Variants in PREPL observed in about 807,000 individuals in gnomAD.
The protein encoded by PREPL is prolyl endopeptidase-like.
A neutral mutation model predicts 70.6 loss-of-function variants in PREPL; 77 were observed. The observed-to-expected ratio is 1.09, with a 90% CI of 0.91 to 1.32. The LOEUF is 1.32. Ranked by LOEUF, PREPL falls within the 40% of genes most tolerant of loss-of-function variation. PREPL has a pLI of 0.00. For missense variants in PREPL, 1,002 were observed against 778.2 expected (o/e 1.29, Z -3.42); for synonymous variants, 315 against 264.8 (o/e 1.19, Z -1.84).
chr2:44,335,823 G>C (rs1208717716), intron 7 of PREPL, among the ~76,000 whole-genome samples: 1 of 150,498 alleles, frequency 6.6e-6, no homozygotes. Context: ...GAATTTATAA[G>C]GAACTTATAT....
rs915913623 is a variant in PREPL at position 44,357,707 on chromosome 2, T to C, written c.-49+3673A>G. Among the ~76,000 whole-genome samples the C allele has an allele frequency of 2.0e-5, 3 of 152,234 alleles. No individual in the cohort carries two copies. In the East Asian group the frequency reaches 5.8e-4, roughly 29 times the overall value. On this transcript the variant is annotated intron_variant, in intron 1 of 13. Transcript: ENST00000409411. ...CAGCTGTTACTCTGATGGTAATTCC[T>C]GTCTACTATTTATAAACTAAGTGTT...
At chr2:44,326,173 A>G (rs1401159665) in intron 10 of PREPL, among the ~76,000 whole-genome samples, 1 of 152,158 alleles carries the variant, frequency 6.6e-6, no homozygotes, top group Non-Finnish European at 1.5e-5. Context: ...CCTTACAAAT[A>G]CAAATGAGCA....
In PREPL at chr2:44,361,480, CCA is replaced by C; in HGVS notation, c.-151_-150del. The C allele has an allele frequency of 6.5e-6, 1 of 153,168 alleles. No individual in the cohort carries two copies. The highest frequency in any genetic ancestry group is 2.0e-4 in the South Asian group (1 of 4,992). The allele number at this position is 153,168 out of a possible 1,614,324, so 9.5% of individuals were successfully genotyped here. On this transcript the variant is annotated 5_prime_UTR_variant, in exon 1 of 14. Transcript: ENST00000409411. Reference sequence around the variant, plus strand: ...GGAGCAGGTGTCACCGCAGGCAAGTCCAGCCGAAGTCTGCGTTCCGCAGCCCA... The same window carrying C: ...GGAGCAGGTGTCACCGCAGGCAAGTCGCCGAAGTCTGCGTTCCGCAGCCCA...
intron 3 of PREPL, 26 bp downstream of exon 3, chr2:44,344,494 A>G: frequency 6.8e-7 from 1 of 1,481,414 alleles, no homozygotes; most frequent in South Asian, 1.3e-5. Flanking sequence ...AAATTAGAGC[A>G]CGTAAAAAGA....
chr2:44,357,351 C>T (rs938784999), intron 1 of PREPL, among the ~76,000 whole-genome samples: 9 of 152,200 alleles, frequency 5.9e-5, no homozygotes, highest in Admixed American at 5.2e-4. Flanking sequence ...TGGATGCTTG[C>T]TGAAAGAAGG....
chr2:44,322,773 G>A lies in PREPL; in HGVS notation c.1711C>T (p.Leu571Phe). 3 of 1,613,846 alleles carry A rather than the reference G, an allele frequency of 1.9e-6. No individual in the cohort carries two copies. Among genetic ancestry groups the A allele is most frequent in the Non-Finnish European group, 2.5e-6 (3 of 1,179,812 alleles). ...LKGIVSYTEK[L>F]KEAIAEHAKD... ...GCATGCTCCGCGATGGCTTCCTTGA[G>A]TTTCTCAGTATAACTTACAATTCCT... The change falls in exon 12 of 14, where the codon CTC becomes TTC. Residue 571 changes from leucine (L) to phenylalanine (F), a missense_variant. By Grantham distance (22) the Leu-to-Phe change is conservative. Transcript: ENST00000409411.
In PREPL at chr2:44,332,339, T is replaced by C. The variant is rs113905510; in HGVS notation, c.1086+120A>G. 2,187 of 829,480 alleles carry C rather than the reference T, an allele frequency of 2.6e-3. 42 individuals carry two copies. The African/African-American group carries it at 0.035, about 13-fold the overall frequency. The allele number at this position is 829,480 out of a possible 1,614,324, so 51.4% of individuals were successfully genotyped here. A position where few individuals can be genotyped will look rare whatever the true frequency, so the allele number is the denominator to read the frequency against. On this transcript the variant is annotated intron_variant, in intron 8 of 13. Coordinates refer to ENST00000409411, the MANE Select transcript of PREPL (RefSeq NM_001171613.2). Reference sequence around the variant, plus strand: ...ATCCCTAAAGTCACTTGGGTATTACTGTGGTCTAAGAAATCTACATTAGGA... The same window carrying C: ...ATCCCTAAAGTCACTTGGGTATTACCGTGGTCTAAGAAATCTACATTAGGA...
chr2:44,347,137 C>G (rs1381208659), intron 1 of PREPL: 1 of 151,920 alleles, frequency 6.6e-6, no homozygotes, highest in Non-Finnish European at 1.5e-5. Context: ...TCAAGACCAG[C>G]CTGGGCAACA....
intron 9 of PREPL, 91 bp from the exon 10 acceptor site, chr2:44,327,019 TG>T: frequency 9.4e-7 from 1 of 1,060,836 alleles, no homozygotes; most frequent in Non-Finnish European, 1.4e-6. Context: ...GCCTGTTTTT[TG>T]TGTGGCCCTG....
Position 44,339,143 on chromosome 2 carries a change from T to C in PREPL, c.702+4A>G. ...AAATAGGAACAACGAGCATCCAGGA[T>C]TACCTTAAATTCTGTAGGTTCTCCA... On this transcript the variant is annotated splice_donor_region_variant and intron_variant, in intron 6 of 13. Transcript: ENST00000409411. 1.9e-6 allele frequency: 3 copies of C among 1,613,464 alleles called. No individual in the cohort carries two copies.
At chr2:44,338,302 T>A (rs141618060) in intron 7 of PREPL, 49 bp downstream of exon 7, 4 of 1,487,326 alleles carry the variant, frequency 2.7e-6, no homozygotes, top group African/African-American at 1.4e-5. Context: ...TAAGCTAAAC[T>A]GCATAAATAT....
chr2:44,323,165 C>T, intron 11 of PREPL, 97 bp downstream of exon 11: 1 of 1,228,334 alleles, frequency 8.1e-7, no homozygotes, highest in Non-Finnish European at 1.1e-6. Flanking sequence ...GTAGAAACAT[C>T]TCTAAAGCTC....
chr2:44,355,000 G>A (rs972193100), intron 1 of PREPL, among the ~76,000 whole-genome samples: 4 of 152,122 alleles, frequency 2.6e-5, no homozygotes, highest in African/African-American at 9.7e-5. Flanking sequence ...TGTTAACTGG[G>A]TACCTTATCT....
chr2:44,356,534 G>A (rs1228181857), intron 1 of PREPL, among the ~76,000 whole-genome samples: 7 of 130,238 alleles, frequency 5.4e-5, no homozygotes, highest in East Asian at 2.0e-4. Context: ...AACAAAGCAA[G>A]ACTCCGTCTC....
chr2:44,322,990 G>A (rs990839490), intron 11 of PREPL, 136 bp from the exon 12 acceptor site: 12 of 1,227,902 alleles, frequency 9.8e-6, no homozygotes, highest in Non-Finnish European at 1.2e-5. Context: ...TATCTTGAGA[G>A]CGCCTCAGTA....
At chr2:44,322,906 G>A (rs370458325) in intron 11 of PREPL, 52 bp from the exon 12 acceptor site, 2 of 1,586,602 alleles carry the variant, frequency 1.3e-6, no homozygotes, top group East Asian at 2.2e-5. Context: ...ATGGTCCCTT[G>A]CCACTATAGA....
Position 44,342,421 on chromosome 2 carries a change from G to T in PREPL, c.481C>A (p.Pro161Thr), listed in dbSNP as rs748001905. 2.5e-6 allele frequency: 4 copies of T among 1,609,286 alleles called. No individual in the cohort carries two copies. Residue 161 changes from proline to threonine, a missense_variant, in exon 5 of 14, where the codon CCA becomes ACA. Pro to Thr is a conservative substitution (Grantham distance 38). Coordinates refer to ENST00000409411, the MANE Select transcript of PREPL (RefSeq NM_001171613.2). ...RNERFYTEKD[P>T]SYFVFLYLTK... ...TTAATTATATTATTCTAGTACCTTG[G>T]GTCTTTTTCTGTGTAAAAGCGTTCA...
chr2:44,335,080 A>T (rs1674502128), intron 7 of PREPL, among the ~76,000 whole-genome samples: 1 of 152,230 alleles, frequency 6.6e-6, no homozygotes, highest in Non-Finnish European at 1.5e-5. Flanking sequence ...CAGAAAGATC[A>T]AGAAGTATTT....
At chr2:44,338,678 A>T in intron 6 of PREPL, 142 bp from the exon 7 acceptor site, 1 of 727,852 alleles carries the variant, frequency 1.4e-6, no homozygotes, top group Non-Finnish European at 2.2e-6. Context: ...CATCAGGGAT[A>T]AAGTGTGACC....
Sources: allele counts gnomAD v4.1 joint callset (sites outside exome capture counted in the v4.1 genomes callset), GRCh38; gene constraint gnomAD v4.1.1; transcripts MANE v1.5; gene names NCBI Gene and HGNC (gene_info 2026-07-23, HGNC 2026-07-21).